DMD: variants seen among roughly 807,000 people sequenced by gnomAD.
DMD encodes mutant dystrophin.
In DMD, 63 loss-of-function variants were observed where a neutral mutation model predicts 330.1. The observed-to-expected ratio is 0.19, with a 90% CI of 0.16 to 0.24. DMD has a LOEUF of 0.24. DMD is among the 10% of genes least tolerant of loss of function. The probability of loss-of-function intolerance (pLI) is 1.00; values close to 1 mark genes in which losing one functional copy is unlikely to be tolerated. For synonymous variants in DMD, 1,223 were observed against 959.8 expected, an observed-to-expected ratio of 1.27 and a Z score of -5.07; for missense variants, 3,344 against 2,684.1, an observed-to-expected ratio of 1.25 and a Z score of -5.43.
intron 2 of DMD, among the ~76,000 whole-genome samples, chrX:33,001,838 C>G (rs2093286551): frequency 9.0e-6 from 1 of 111,205 alleles, no homozygotes; most frequent in Admixed American, 9.6e-5. Flanking sequence ...AGCATTGTTT[C>G]TCTTCATTAT....
intron 7 of DMD, among the ~76,000 whole-genome samples, chrX:32,750,867 C>T (rs1262603126): frequency 9.0e-6 from 1 of 111,297 alleles, no homozygotes; most frequent in Non-Finnish European, 1.9e-5. Flanking sequence ...AGGTATTTCC[C>T]GTGCTGTTCT....
In DMD at chrX:31,120,438, C is replaced by CCTGT. The variant is rs889183676; in HGVS notation, c.*1477_*1480dup. 1 of 111,775 alleles carries CCTGT rather than the reference C, an allele frequency of 8.9e-6. No individual in the cohort carries two copies. The highest frequency in any genetic ancestry group is 3.3e-5 in the African/African-American group (1 of 30,727). 9.2% of individuals were successfully genotyped at this position (111,775 alleles called of 1,213,427 possible). On this transcript the variant is annotated 3_prime_UTR_variant, in exon 79 of 79. Transcript: ENST00000357033. ...CAGTTCATGGGCTTCTGGGTTGATACCTGTCAGTATCACAAATGTGATGGG... is the reference window on the plus strand; with the variant it reads ...CAGTTCATGGGCTTCTGGGTTGATACCTGTCTGTCAGTATCACAAATGTGATGGG...
intron 1 of DMD, among the ~76,000 whole-genome samples, chrX:33,107,014 C>T (rs1198980664): frequency 9.0e-6 from 1 of 111,342 alleles, no homozygotes; most frequent in African/African-American, 3.3e-5. Flanking sequence ...AGAAAGCTTT[C>T]GAAAAGAAGT....
At chrX:31,543,900 T>C (rs536886760) in intron 55 of DMD, among the ~76,000 whole-genome samples, 7 of 111,418 alleles carry the variant, frequency 6.3e-5, no homozygotes, top group African/African-American at 2.3e-4. Context: ...AGGAATTTGG[T>C]GAGGTTAAAG....
intron 55 of DMD, among the ~76,000 whole-genome samples, chrX:31,511,300 A>G (rs913786920): frequency 2.8e-4 from 28 of 99,292 alleles, no homozygotes; most frequent in African/African-American, 1.1e-3. Flanking sequence ...ATATTTGTCT[A>G]AACTCATCAT....
chrX:32,639,448 A>G (rs2059308918), intron 11 of DMD, among the ~76,000 whole-genome samples: 1 of 112,350 alleles, frequency 8.9e-6, no homozygotes, highest in African/African-American at 3.2e-5. Context: ...TCTTGTTTTA[A>G]ACACTACATT....
At chrX:33,072,887 A>C (rs2094781206) in intron 1 of DMD, among the ~76,000 whole-genome samples, 1 of 111,730 alleles carries the variant, frequency 9.0e-6, no homozygotes, top group Non-Finnish European at 1.9e-5. Context: ...GGTTCTACTT[A>C]TTATTTGGAC....
intron 44 of DMD, among the ~76,000 whole-genome samples, chrX:31,974,491 C>T (rs1356782505): frequency 9.1e-6 from 1 of 110,328 alleles, no homozygotes; most frequent in Non-Finnish European, 1.9e-5. Context: ...TTTTTAGCCT[C>T]TTCTTTCTCC....
At chrX:33,010,219 CATAT>C (rs1569549276) in intron 2 of DMD, among the ~76,000 whole-genome samples, 35 of 92,179 alleles carry the variant, frequency 3.8e-4, no homozygotes, top group African/African-American at 1.8e-3. Context: ...TGTATATGTA[CATAT>C]GTGTGTATAT....
chrX:31,946,795 G>A (rs990200777), intron 45 of DMD, among the ~76,000 whole-genome samples: 1 of 102,525 alleles, frequency 9.8e-6, no homozygotes, highest in East Asian at 3.1e-4. Context: ...ACTGAAGGGA[G>A]TTTTTTTTTT....
In DMD at chrX:32,247,479, T is replaced by G. The variant is rs187499651; in HGVS notation, c.6291-30416A>C. Among the ~76,000 whole-genome samples, 296 of 112,149 alleles carry G rather than the reference T, an allele frequency of 2.6e-3. 2 individuals are homozygous for G. The highest frequency in any genetic ancestry group is 9.5e-3 in the African/African-American group (293 of 30,912). ...ACCTTAGTGACAATTATTTTTTAAT[T>G]TTATCTTACATAAAGCCAGTTAGAT... On this transcript the variant is annotated intron_variant, in intron 43 of 78. Transcript: ENST00000357033.
At position 31,992,728 on chromosome X, in the gene DMD, G is replaced by A. The variant is rs760371369; in HGVS notation, c.6439-24214C>T. ...TCATATATACTTTTGTAGAGCAGAGGGTGAGAAGAGATGGATATAAATGAA... is the reference window on the plus strand; with the variant it reads ...TCATATATACTTTTGTAGAGCAGAGAGTGAGAAGAGATGGATATAAATGAA... On this transcript the variant is annotated intron_variant, in intron 44 of 78. Transcript: ENST00000357033. Among the ~76,000 whole-genome samples, 33 of 109,593 alleles carry A rather than the reference G, an allele frequency of 3.0e-4. No homozygotes were observed. In the South Asian group the frequency reaches 6.7e-3, roughly 22 times the overall value.
intron 1 of DMD, among the ~76,000 whole-genome samples, chrX:33,059,015 A>G (rs1009795505): frequency 1.8e-5 from 2 of 111,937 alleles, no homozygotes; most frequent in Non-Finnish European, 3.8e-5. Flanking sequence ...CTCCCAGTCC[A>G]TGACTTTTCT....
intron 53 of DMD, among the ~76,000 whole-genome samples, chrX:31,673,305 T>A (rs1326778591): frequency 8.9e-6 from 1 of 112,216 alleles, no homozygotes; most frequent in Non-Finnish European, 1.9e-5. Context: ...TTTGGTTAAT[T>A]CCCAGGGTTC....
chrX:32,591,922 C>T (rs1769832583), intron 13 of DMD, among the ~76,000 whole-genome samples: 1 of 112,791 alleles, frequency 8.9e-6, no homozygotes, highest in African/African-American at 3.2e-5. Context: ...GCGGCCAAGA[C>T]CAGGTGTTGT....
chrX:32,149,489 G>A (rs780367345), intron 44 of DMD, among the ~76,000 whole-genome samples: 10 of 111,797 alleles, frequency 8.9e-5, no homozygotes, highest in Middle Eastern at 4.6e-3. Context: ...CTGTGGCCCA[G>A]AGAGGTCAAT....
intron 51 of DMD, among the ~76,000 whole-genome samples, chrX:31,749,917 T>A (rs1275762673): frequency 8.4e-5 from 9 of 106,744 alleles, no homozygotes; most frequent in African/African-American, 3.1e-4. Flanking sequence ...TTTTTTCATG[T>A]GTCTTTTGGC....
chrX:31,918,307 G>C (rs1310761907), intron 47 of DMD, among the ~76,000 whole-genome samples: 1 of 111,984 alleles, frequency 8.9e-6, no homozygotes, highest in Non-Finnish European at 1.9e-5. Flanking sequence ...GAGGCACTAA[G>C]AGATTTAAAT....
rs181150832 is a variant in DMD, at chrX:32,779,035, T to C, written c.649+30458A>G. Among the ~76,000 whole-genome samples, 324 of 111,863 alleles carry C rather than the reference T, an allele frequency of 2.9e-3. 1 individual carries two copies. The highest frequency in any genetic ancestry group is 1.0e-2 in the African/African-American group (307 of 30,786). ...CTTTGTCTCCGATATACTCTAATTCTGGTATTCCCAAGTATTAAATATCTT... is the reference window on the plus strand; with the variant it reads ...CTTTGTCTCCGATATACTCTAATTCCGGTATTCCCAAGTATTAAATATCTT... On this transcript the variant is annotated intron_variant, in intron 7 of 78. Coordinates refer to ENST00000357033, the MANE Select transcript of DMD (RefSeq NM_004006.3).
Sources: allele counts gnomAD v4.1 joint callset (sites outside exome capture counted in the v4.1 genomes callset), GRCh38; gene constraint gnomAD v4.1.1; transcripts MANE v1.5; gene names NCBI Gene and HGNC (gene_info 2026-07-23, HGNC 2026-07-21).